The following YWHAQ variants were observed in gnomAD, a reference collection of about 807,000 sequenced individuals.
YWHAQ encodes the protein tyrosine 3-monooxygenase/tryptophan 5-monooxygenase activation protein theta.
A neutral mutation model predicts 28.3 loss-of-function variants in YWHAQ; 6 were observed. That is an observed-to-expected ratio of 0.21 (90% CI 0.12 to 0.42). The LOEUF (loss-of-function observed/expected upper bound fraction) is 0.42. Among genes scored for constraint, YWHAQ ranks in the 10% least tolerant of loss-of-function variants. The pLI is 1.00. For synonymous variants in YWHAQ, 143 were observed against 119.1 expected, an observed-to-expected ratio of 1.20 and a Z score of -1.31; for missense variants, 201 against 305.6, an observed-to-expected ratio of 0.66 and a Z score of 2.55.
At chr2:9,614,363 T>C (rs1418550452) in intron 2 of YWHAQ, among the ~76,000 whole-genome samples, 2 of 152,220 alleles carry the variant, frequency 1.3e-5, no homozygotes, top group East Asian at 3.8e-4. Flanking sequence ...TTAGAGAATT[T>C]ACAATTTACT....
intron 2 of YWHAQ, among the ~76,000 whole-genome samples, chr2:9,593,236 C>T (rs1053447589): frequency 6.4e-4 from 74 of 114,934 alleles, no homozygotes; most frequent in African/African-American, 2.2e-3. Context: ...GCATCCATGT[C>T]TTTTTTTTTT....
At chr2:9,588,041 A>G in intron 4 of YWHAQ, 124 bp downstream of exon 4, 1 of 1,189,494 alleles carries the variant, frequency 8.4e-7, no homozygotes, top group East Asian at 2.8e-5. Context: ...GAAAAAGAGG[A>G]GATTTCAAAA....
chr2:9,630,532 G>A lies in YWHAQ; in HGVS notation c.-80C>T, dbSNP rs1048828426. On this transcript the variant is annotated splice_region_variant and 5_prime_UTR_variant, in exon 2 of 6. Transcript: ENST00000238081. The surrounding 1 kb of genome is among the most constrained non-coding windows in gnomAD (Gnocchi z 5.6). ...CGACCCGCAGCGGGAGGAGCCTCGA[G>A]AGCTGCGGAGGGGCGGGGCGGCGAG... 1.4e-5 allele frequency: 19 copies of A among 1,365,240 alleles called. No homozygotes were observed. The African/African-American group carries it at 2.3e-4, about 17-fold the overall frequency. 84.6% of individuals were successfully genotyped at this position (1,365,240 alleles called of 1,614,324 possible). A position where few individuals can be genotyped will look rare whatever the true frequency, so the allele number is the denominator to read the frequency against.
intron 2 of YWHAQ, among the ~76,000 whole-genome samples, chr2:9,621,184 G>T (rs1169879401): frequency 6.6e-6 from 1 of 152,008 alleles, no homozygotes; most frequent in Non-Finnish European, 1.5e-5. Flanking sequence ...TCTAAAAAGG[G>T]GTCCTGAGAT....
rs193161375 is a variant in YWHAQ at position 9,616,217 on chromosome 2, G to A, written c.294+13942C>T. ...TGAGAATTTCAGATCAAGGATAAAT[G>A]AATTGTTATTTCAACAAATGGTGCC... On this transcript the variant is annotated intron_variant, in intron 2 of 5. Coordinates refer to ENST00000238081, the MANE Select transcript of YWHAQ (RefSeq NM_006826.4). Among the ~76,000 whole-genome samples, 754 of 152,210 alleles carry A rather than the reference G, an allele frequency of 5.0e-3. 4 individuals carry two copies. Among genetic ancestry groups the A allele is most frequent in the Non-Finnish European group, 7.3e-3 (494 of 68,008 alleles).
chr2:9,592,349 T>TG (rs1390459390), intron 2 of YWHAQ, among the ~76,000 whole-genome samples: 1 of 152,098 alleles, frequency 6.6e-6, no homozygotes, highest in Non-Finnish European at 1.5e-5. Flanking sequence ...TGCTATGCCT[T>TG]GGAGTATAAA....
chr2:9,623,530 T>C (rs1326471335), intron 2 of YWHAQ, among the ~76,000 whole-genome samples: 1 of 152,046 alleles, frequency 6.6e-6, no homozygotes, highest in Non-Finnish European at 1.5e-5. Flanking sequence ...TCCCAGCACT[T>C]TGGGAAGCCG....
intron 5 of YWHAQ, among the ~76,000 whole-genome samples, chr2:9,586,830 A>T (rs1666351597): frequency 6.6e-6 from 1 of 152,194 alleles, no homozygotes; most frequent in Admixed American, 6.5e-5. Context: ...ATTTACTTGA[A>T]CCTACAAAAG....
chr2:9,614,219 T>G (rs1048972940), intron 2 of YWHAQ, among the ~76,000 whole-genome samples: 9 of 152,218 alleles, frequency 5.9e-5, no homozygotes, highest in Admixed American at 5.2e-4. Context: ...TGACACATAC[T>G]ACATTCCAAA....
intron 2 of YWHAQ, among the ~76,000 whole-genome samples, chr2:9,622,182 T>TTA (rs938746379): frequency 2.8e-5 from 4 of 140,604 alleles, no homozygotes; most frequent in African/African-American, 1.0e-4. Context: ...CTTAAAGTAT[T>TTA]AAAAAAAAAA....
chr2:9,621,514 C>T (rs1573005223), intron 2 of YWHAQ, among the ~76,000 whole-genome samples: 1 of 152,268 alleles, frequency 6.6e-6, no homozygotes. Context: ...TTACCATTAA[C>T]CTTTTGCCAT....
intron 2 of YWHAQ, among the ~76,000 whole-genome samples, chr2:9,619,553 A>T (rs1347902840): frequency 2.0e-5 from 3 of 152,154 alleles, no homozygotes; most frequent in African/African-American, 7.2e-5. Flanking sequence ...GTCTCACCAA[A>T]AAAAAACATA....
At chr2:9,594,760 T>C (rs530508041) in intron 2 of YWHAQ, among the ~76,000 whole-genome samples, 2 of 152,186 alleles carry the variant, frequency 1.3e-5, no homozygotes, top group African/African-American at 4.8e-5. Context: ...GTGGTAGATT[T>C]GTAAGAGCAG....
intron 2 of YWHAQ, among the ~76,000 whole-genome samples, chr2:9,594,455 A>T (rs147608390): frequency 1.3e-5 from 2 of 152,280 alleles, no homozygotes; most frequent in East Asian, 3.9e-4. Context: ...AAAGTTCTAG[A>T]TCTCAAACTG....
rs550020768 is a variant in YWHAQ at position 9,605,475 on chromosome 2, T to A, written c.295-13960A>T. Among the ~76,000 whole-genome samples, 316 of 152,296 alleles carry A rather than the reference T, an allele frequency of 2.1e-3. 5 individuals carry two copies. The highest frequency in any genetic ancestry group is 6.8e-3 in the African/African-American group (282 of 41,576). On this transcript the variant is annotated intron_variant, in intron 2 of 5. Transcript: ENST00000238081. ...TAAGCTCCTTCAGGGAATACTTTTT[T>A]AAAAAAATCCTCACTTGATATGTCC...
chr2:9,629,400 A>T (rs1355008640), intron 2 of YWHAQ, among the ~76,000 whole-genome samples: 1 of 152,208 alleles, frequency 6.6e-6, no homozygotes, highest in Non-Finnish European at 1.5e-5. Context: ...AATAAGGGTG[A>T]ATCACAGCAG....
intron 2 of YWHAQ, among the ~76,000 whole-genome samples, chr2:9,624,997 G>A (rs1667220147): frequency 6.6e-6 from 1 of 151,872 alleles, no homozygotes; most frequent in African/African-American, 2.4e-5. Context: ...ACCTGCCTCG[G>A]CCTCCCAAAG....
intron 2 of YWHAQ, among the ~76,000 whole-genome samples, chr2:9,614,154 C>A (rs750587902): frequency 6.6e-6 from 1 of 152,186 alleles, no homozygotes; most frequent in East Asian, 1.9e-4. Flanking sequence ...CTACCTTCTG[C>A]TCCAAGATTC....
intron 2 of YWHAQ, among the ~76,000 whole-genome samples, chr2:9,611,215 GACGATGGTCATTCA>G (rs1666940944): frequency 6.6e-6 from 1 of 152,180 alleles, no homozygotes; most frequent in South Asian, 2.1e-4. Context: ...CTACTGTGGA[GACGATGGTCATTCA>G]ACATTTGAGC....
Sources: allele counts gnomAD v4.1 joint callset (sites outside exome capture counted in the v4.1 genomes callset), GRCh38; gene constraint gnomAD v4.1.1; non-coding constraint Gnocchi (gnomAD v3.1); transcripts MANE v1.5; gene names NCBI Gene and HGNC (gene_info 2026-07-23, HGNC 2026-07-21).